The following DYNC2H1 variants were observed in gnomAD, a reference collection of about 807,000 sequenced individuals.
DYNC2H1 encodes the protein dynein cytoplasmic 2 heavy chain 1, also known as cytoplasmic dynein 2 heavy chain 1.
DYNC2H1 carries 410 observed loss-of-function variants against 570.0 expected under a neutral mutation model. The ratio of observed to expected loss-of-function variants is 0.72; its 90% CI spans 0.66 to 0.78. DYNC2H1 has a LOEUF of 0.78. DYNC2H1 is among the 30% of genes least tolerant of loss of function. The pLI is 0.00. For missense variants in DYNC2H1, 4,865 were observed against 5,046.4 expected (o/e 0.96, Z 1.09); for synonymous variants, 1,688 against 1,677.6 (o/e 1.01, Z -0.15).
intron 17 of DYNC2H1, among the ~76,000 whole-genome samples, chr11:103,141,336 A>T (rs898316989): frequency 1.3e-5 from 2 of 151,642 alleles, no homozygotes; most frequent in Non-Finnish European, 2.9e-5. Context: ...ATGTGGTTTT[A>T]TCTACTTTTG....
chr11:103,346,865 T>C (rs1224002296), intron 82 of DYNC2H1, among the ~76,000 whole-genome samples: 3 of 152,164 alleles, frequency 2.0e-5, no homozygotes, highest in Admixed American at 1.3e-4. Context: ...TCTAATAAAA[T>C]AATTGGTTCA....
intron 43 of DYNC2H1, 126 bp from the exon 44 acceptor site, chr11:103,188,371 A>G: frequency 1.6e-6 from 1 of 644,554 alleles, no homozygotes; most frequent in Non-Finnish European, 2.5e-6. Flanking sequence ...CATTTAATCT[A>G]AAATTCTTGA....
intron 45 of DYNC2H1, 128 bp from the exon 46 acceptor site, chr11:103,191,389 A>G: frequency 1.6e-6 from 1 of 644,112 alleles, no homozygotes. Context: ...GAAGTCATTT[A>G]TATTGAAATC....
chr11:103,476,585 T>TC, intron 88 of DYNC2H1, among the ~76,000 whole-genome samples: 1 of 152,288 alleles, frequency 6.6e-6, no homozygotes, highest in Admixed American at 6.5e-5. Flanking sequence ...GATGGTGTTT[T>TC]TATCTATTTG....
intron 29 of DYNC2H1, 85 bp from the exon 30 acceptor site, chr11:103,162,943 T>G: frequency 1.6e-6 from 2 of 1,220,232 alleles, no homozygotes; most frequent in East Asian, 5.3e-5. Context: ...AGTTAGTAGA[T>G]TGTATATTTA....
Position 103,286,316 on chromosome 11 carries a change from A to G in DYNC2H1, c.10952A>G (p.Tyr3651Cys). Residue 3651 changes from tyrosine to cysteine, a missense_variant, in exon 74 of 89, where the codon TAT (tyrosine) becomes TGT (cysteine). This residue lies in a region of DYNC2H1 where 2,401 missense variants were observed against 2,454.6 expected (regional missense o/e 0.98). Transcript: ENST00000375735. The part of the protein sequence containing the change: ...CFEDAALWRT[Y>C]YNNSMCEQEF... ...GAAGATGCAGCTCTGTGGCGTACTT[A>G]TTATAATAATTCAATGTGTGAGCAA... is the stretch of plus-strand genomic sequence containing the variant. The G allele has an allele frequency of 6.2e-7, 1 of 1,613,776 alleles. No homozygotes were observed. The highest frequency in any genetic ancestry group is 8.5e-7 in the Non-Finnish European group (1 of 1,179,786).
chr11:103,439,419 G>A lies in DYNC2H1; in HGVS notation c.12456+3387G>A, dbSNP rs1234414359. On this transcript the variant is annotated intron_variant, in intron 85 of 88. Transcript: ENST00000375735. This position sits in a 1 kb window ranked among gnomAD's most constrained non-coding sequence, Gnocchi z 4.1. The stretch of plus-strand genomic sequence containing the variant: ...AGCAAAGCATAGATTGCAAGGAGGG[G>A]TGTTCAGGCTGGAGGGCAAGAGGGG... Among the ~76,000 whole-genome samples, 4 of 152,122 alleles carry A rather than the reference G, an allele frequency of 2.6e-5. No individual in the cohort carries two copies. The highest frequency in any genetic ancestry group is 5.9e-5 in the Non-Finnish European group (4 of 68,022).
intron 79 of DYNC2H1, among the ~76,000 whole-genome samples, chr11:103,316,235 A>G (rs1937830408): frequency 6.6e-6 from 1 of 152,038 alleles, no homozygotes; most frequent in South Asian, 2.1e-4. Context: ...AAATTTTAGG[A>G]AATATCCCAA....
Position 103,186,250 on chromosome 11 carries a change from T to C in DYNC2H1, c.6642T>C (p.His2214=), listed in dbSNP as rs200306856. The change falls in exon 42 of 89, where the codon CAT becomes CAC. Residue 2214 remains histidine, a synonymous_variant. Transcript: ENST00000375735. This position sits in a 1 kb window ranked among gnomAD's most constrained non-coding sequence, Gnocchi z 4.5. ...SRLEFTKEVF[H]WARESPPDFH... is the part of the protein sequence containing the mutation. ...AATTTTTTCCTCTTAAGGTTTTTCATTGGGCACGAGAATCTCCTCCAGACT... is the reference window on the plus strand; with the variant it reads ...AATTTTTTCCTCTTAAGGTTTTTCACTGGGCACGAGAATCTCCTCCAGACT... The C allele has an allele frequency of 1.0e-4, 163 of 1,609,756 alleles. No homozygotes were observed. The African/African-American group carries it at 1.2e-3, about 12-fold the overall frequency.
chr11:103,323,880 A>G lies in DYNC2H1; in HGVS notation c.11935-6A>G. The G allele has an allele frequency of 6.2e-7, 1 of 1,607,700 alleles. No individual in the cohort carries two copies. The highest frequency in any genetic ancestry group is 8.5e-7 in the Non-Finnish European group (1 of 1,176,398). ...AAAAAACTGTTTTTCACTTCTTTAT[A>G]TTTAGGACTATCGTGCTGTCATTGA... On this transcript the variant is annotated splice_region_variant and splice_polypyrimidine_tract_variant and intron_variant, in intron 81 of 88. Transcript: ENST00000375735.
chr11:103,331,469 A>G (rs907709675), intron 82 of DYNC2H1, among the ~76,000 whole-genome samples: 1 of 152,178 alleles, frequency 6.6e-6, no homozygotes, highest in Non-Finnish European at 1.5e-5. Context: ...CTTCAGAGGA[A>G]TTTGAAACCT....
chr11:103,470,426 C>A (rs1325603169), intron 88 of DYNC2H1, among the ~76,000 whole-genome samples: 2 of 144,500 alleles, frequency 1.4e-5, no homozygotes, highest in African/African-American at 5.0e-5. Context: ...TACTCTTTTT[C>A]TTTTTATTAT....
rs1861187755 is a variant in DYNC2H1 at position 103,163,674 on chromosome 11, C to T, written c.4611+527C>T. ...AGATATTTAGCTTACAAAATTTGTA[C>T]CAGTCTATATCAAAATGTAGCACTA... On this transcript the variant is annotated intron_variant, in intron 30 of 88. Coordinates refer to ENST00000375735, the MANE Select transcript of DYNC2H1 (RefSeq NM_001377.3). The surrounding 1 kb of genome is among the most constrained non-coding windows in gnomAD (Gnocchi z 4.6). Among the ~76,000 whole-genome samples the T allele has an allele frequency of 6.6e-6, 1 of 152,088 alleles. No homozygotes were observed. The highest frequency in any genetic ancestry group is 2.1e-4 in the South Asian group (1 of 4,832).
intron 11 of DYNC2H1, among the ~76,000 whole-genome samples, chr11:103,124,304 G>GAC (rs1300426920): frequency 6.6e-6 from 1 of 151,804 alleles, no homozygotes; most frequent in Non-Finnish European, 1.5e-5. Flanking sequence ...AAAATTAGCC[G>GAC]AACATGGTGG....
chr11:103,473,050 G>A (rs1224305442), intron 88 of DYNC2H1, among the ~76,000 whole-genome samples: 1 of 151,986 alleles, frequency 6.6e-6, no homozygotes, highest in Non-Finnish European at 1.5e-5. Context: ...CTTAAAAAAG[G>A]GTATCATCAA....
intron 82 of DYNC2H1, among the ~76,000 whole-genome samples, chr11:103,339,651 G>A (rs1939341866): frequency 6.6e-6 from 1 of 152,142 alleles, no homozygotes; most frequent in Non-Finnish European, 1.5e-5. Flanking sequence ...GGCGATGCAT[G>A]TACTCTTGTC....
At position 103,133,586 on chromosome 11, in the gene DYNC2H1, A is replaced by T; in HGVS notation, c.1985A>T (p.Gln662Leu). ...AAAGCAGGAAGTGGAGGGAAATCACAGATAACTTGGGATAATCCTAAAGAA... is the reference window on the plus strand; with the variant it reads ...AAAGCAGGAAGTGGAGGGAAATCACTGATAACTTGGGATAATCCTAAAGAA... ...NSKAGSGGKS[Q>L]ITWDNPKELE... The change falls in exon 14 of 89, where the codon CAG becomes CTG. Residue 662 changes from glutamine to leucine, a missense_variant. Physicochemically the swap from Gln to Leu is moderately radical, Grantham distance 113. This residue lies in a region of DYNC2H1 where 1,936 missense variants were observed against 1,962.1 expected (regional missense o/e 0.99). Transcript: ENST00000375735. This position sits in a 1 kb window ranked among gnomAD's most constrained non-coding sequence, Gnocchi z 4.8. 1 of 1,610,422 alleles carries T rather than the reference A, an allele frequency of 6.2e-7. No individual in the cohort carries two copies. The highest frequency in any genetic ancestry group is 8.5e-7 in the Non-Finnish European group (1 of 1,179,064).
chr11:103,130,634 G>A (rs1448535411), intron 13 of DYNC2H1, among the ~76,000 whole-genome samples: 1 of 44,852 alleles, frequency 2.2e-5, no homozygotes, highest in Non-Finnish European at 4.1e-5. Context: ...TTTTGAAAAT[G>A]TATGCATATT....
At chr11:103,126,273 G>A (rs1858994577) in intron 12 of DYNC2H1, among the ~76,000 whole-genome samples, 1 of 152,008 alleles carries the variant, frequency 6.6e-6, no homozygotes, top group African/African-American at 2.4e-5. Flanking sequence ...TTTTTTAGGG[G>A]GCTGTGCTTT....
Sources: allele counts gnomAD v4.1 joint callset (sites outside exome capture counted in the v4.1 genomes callset), GRCh38; gene constraint gnomAD v4.1.1; regional missense constraint gnomAD v4.1.1; non-coding constraint Gnocchi (gnomAD v3.1); transcripts MANE v1.5; gene names NCBI Gene and HGNC (gene_info 2026-07-23, HGNC 2026-07-21).